UBE2K: variants seen among roughly 807,000 people sequenced by gnomAD.
UBE2K encodes the protein ubiquitin conjugating enzyme E2 K.
Under a neutral mutation model 30.0 loss-of-function variants are expected in UBE2K, and 6 were observed. The ratio of observed to expected loss-of-function variants is 0.20; its 90% CI spans 0.11 to 0.39. The LOEUF (loss-of-function observed/expected upper bound fraction) is 0.39. Among genes scored for constraint, UBE2K ranks in the 10% least tolerant of loss-of-function variants. The probability of loss-of-function intolerance (pLI) is 1.00; values close to 1 mark genes in which losing one functional copy is unlikely to be tolerated. For missense variants in UBE2K, 61 were observed against 241.6 expected (o/e 0.25, Z 4.96); for synonymous variants, 86 against 83.7 (o/e 1.03, Z -0.15).
In UBE2K at chr4:39,733,746, G is replaced by A. The variant is rs534293717; in HGVS notation, c.64-3674G>A. ...TCATTTTACAGTAATAAAATTGAGA[G>A]TTAGGTGTTAAGTGTTATACCTGAA... On this transcript the variant is annotated intron_variant, in intron 1 of 6. Coordinates refer to ENST00000261427, the MANE Select transcript of UBE2K (RefSeq NM_005339.5). 9.2e-5 allele frequency among the ~76,000 whole-genome samples: 14 copies of A among 152,354 alleles called. No individual in the cohort carries two copies. In the South Asian group the frequency reaches 1.0e-3, roughly 11 times the overall value.
chr4:39,771,686 G>A (rs1042942674), intron 4 of UBE2K, among the ~76,000 whole-genome samples: 6 of 152,110 alleles, frequency 3.9e-5, no homozygotes, highest in Non-Finnish European at 7.4e-5. Context: ...CGGCGACGGC[G>A]TCGGCTAGGA....
intron 1 of UBE2K, among the ~76,000 whole-genome samples, chr4:39,702,861 T>A (rs1718114161): frequency 6.6e-6 from 1 of 152,060 alleles, no homozygotes; most frequent in African/African-American, 2.4e-5. Context: ...GTGGGATGTT[T>A]AGCAACATCC....
intron 1 of UBE2K, among the ~76,000 whole-genome samples, chr4:39,717,472 G>A (rs909520264): frequency 2.2e-4 from 33 of 151,848 alleles, no homozygotes; most frequent in Admixed American, 7.2e-4. Context: ...CTTGTGATCC[G>A]CCCACCTCAG....
At chr4:39,749,965 G>T (rs922014342) in intron 3 of UBE2K, among the ~76,000 whole-genome samples, 1 of 152,178 alleles carries the variant, frequency 6.6e-6, no homozygotes, top group African/African-American at 2.4e-5. Context: ...CTGGGAGGCC[G>T]AGGTGGGTGG....
chr4:39,774,782 T>C, intron 4 of UBE2K, 52 bp from the exon 5 acceptor site: 7 of 1,168,924 alleles, frequency 6.0e-6, no homozygotes, highest in Non-Finnish European at 8.1e-6. Context: ...AATACTTTGC[T>C]TTTGCCTGCA....
At position 39,698,194 on chromosome 4, in the gene UBE2K, G is replaced by A; in HGVS notation, c.-134G>A. On this transcript the variant is annotated 5_prime_UTR_variant, in exon 1 of 7. Transcript: ENST00000261427. Reference sequence around the variant, plus strand: ...ACACTGAGGCGAGCGCGGCGGCCGGGGTGGTAGTGGCAGTGTTCGTGTGCT... The same window carrying A: ...ACACTGAGGCGAGCGCGGCGGCCGGAGTGGTAGTGGCAGTGTTCGTGTGCT... 1.2e-6 allele frequency: 1 copy of A among 863,704 alleles called. No individual in the cohort carries two copies. The highest frequency in any genetic ancestry group is 1.9e-6 in the Non-Finnish European group (1 of 523,752). The allele number at this position is 863,704 out of a possible 1,614,324, so 53.5% of individuals were successfully genotyped here.
chr4:39,700,988 A>C (rs1717977591), intron 1 of UBE2K, among the ~76,000 whole-genome samples: 1 of 147,434 alleles, frequency 6.8e-6, no homozygotes, highest in Non-Finnish European at 1.5e-5. Context: ...TTTCATGAGA[A>C]ATTGGTAAAA....
intron 1 of UBE2K, among the ~76,000 whole-genome samples, chr4:39,701,725 T>C (rs1578408576): frequency 6.6e-6 from 1 of 152,078 alleles, no homozygotes; most frequent in African/African-American, 2.4e-5. Flanking sequence ...TACCTATAAT[T>C]AACTTTAAGA....
intron 1 of UBE2K, among the ~76,000 whole-genome samples, chr4:39,714,859 A>G (rs375869439): frequency 4.7e-5 from 7 of 149,332 alleles, no homozygotes; most frequent in East Asian, 4.1e-4. Context: ...CAGAAGTTCT[A>G]TTTTTAAGAG....
chr4:39,773,728 T>C (rs893021055), intron 4 of UBE2K, among the ~76,000 whole-genome samples: 1 of 151,810 alleles, frequency 6.6e-6, no homozygotes, highest in Non-Finnish European at 1.5e-5. Context: ...GAGACCATCC[T>C]GGCTAACACA....
rs3839130 is a variant in UBE2K, at chr4:39,779,042, A to ACCCCCCCCCCCCCCCCCCCCTC, written c.*616_*617insCCCCCCCCCCCCTCCCCCCCCC. ...TGGGACAGTGTCTGATTCCCCCTTC[A>ACCCCCCCCCCCCCCCCCCCCTC]CCCCCCCCACCCCCGCCTTGCCACA... On this transcript the variant is annotated 3_prime_UTR_variant, in exon 7 of 7. Coordinates refer to ENST00000261427, the MANE Select transcript of UBE2K (RefSeq NM_005339.5). 7.8e-6 allele frequency: 1 copy of ACCCCCCCCCCCCCCCCCCCCTC among 128,310 alleles called. No homozygotes were observed. Among genetic ancestry groups the ACCCCCCCCCCCCCCCCCCCCTC allele is most frequent in the Non-Finnish European group, 1.6e-5 (1 of 62,678 alleles). The allele number at this position is 128,310 out of a possible 1,614,324, so 7.9% of individuals were successfully genotyped here. A position where few individuals can be genotyped will look rare whatever the true frequency, so the allele number is the denominator to read the frequency against.
At chr4:39,702,226 C>CTTTTT (rs1277061547) in intron 1 of UBE2K, among the ~76,000 whole-genome samples, 1 of 90,826 alleles carries the variant, frequency 1.1e-5, no homozygotes, top group Non-Finnish European at 2.5e-5. Flanking sequence ...CTTTTCTTTT[C>CTTTTT]TTTTCTTTTT....
At chr4:39,703,621 G>A (rs1718159660) in intron 1 of UBE2K, among the ~76,000 whole-genome samples, 1 of 152,000 alleles carries the variant, frequency 6.6e-6, no homozygotes, top group African/African-American at 2.4e-5. Context: ...GGCCTAGGCA[G>A]GTGGATCACG....
intron 1 of UBE2K, among the ~76,000 whole-genome samples, chr4:39,708,346 A>G (rs1395308957): frequency 6.6e-6 from 1 of 152,144 alleles, no homozygotes; most frequent in Non-Finnish European, 1.5e-5. Flanking sequence ...ACATAGTTTT[A>G]GAGTTAGATC....
chr4:39,705,039 G>GT lies in UBE2K; in HGVS notation c.63+6658dup, dbSNP rs548491541. ...GCATGTGCCAGCATGCATGGCTAAT[G>GT]TTTTTTTTTGTTTTTTTTTGTTTTT... On this transcript the variant is annotated intron_variant, in intron 1 of 6. Coordinates refer to ENST00000261427, the MANE Select transcript of UBE2K (RefSeq NM_005339.5). Among the ~76,000 whole-genome samples the GT allele has an allele frequency of 2.8e-4, 41 of 147,472 alleles. 2 individuals carry two copies. Among genetic ancestry groups the GT allele is most frequent in the Middle Eastern group, 3.6e-3 (1 of 276 alleles).
At chr4:39,760,743 A>G (rs1337584398) in intron 4 of UBE2K, among the ~76,000 whole-genome samples, 1 of 152,184 alleles carries the variant, frequency 6.6e-6, no homozygotes, top group Non-Finnish European at 1.5e-5. Flanking sequence ...TAAAAATACA[A>G]AAAATTAGCT....
At position 39,781,243 on chromosome 4, in the gene UBE2K, C is replaced by T. The variant is rs565270077; in HGVS notation, c.*2809C>T. ...ATCACGACTATGATTTACTTAAACA[C>T]GTAACACATTCAAGGATATATAAAT... On this transcript the variant is annotated 3_prime_UTR_variant, in exon 7 of 7. Transcript: ENST00000261427. 5 of 152,122 alleles carry T rather than the reference C, an allele frequency of 3.3e-5. No homozygotes were observed. Among genetic ancestry groups the T allele is most frequent in the African/African-American group, 9.6e-5 (4 of 41,532 alleles). 9.4% of individuals were successfully genotyped at this position (152,122 alleles called of 1,614,324 possible).
At chr4:39,711,044 T>G (rs1718639326) in intron 1 of UBE2K, among the ~76,000 whole-genome samples, 2 of 152,048 alleles carry the variant, frequency 1.3e-5, no homozygotes, top group Non-Finnish European at 2.9e-5. Flanking sequence ...ATTTTTGTTT[T>G]TACTGTTAAT....
intron 1 of UBE2K, among the ~76,000 whole-genome samples, chr4:39,725,831 G>T (rs542114736): frequency 6.6e-6 from 1 of 152,110 alleles, no homozygotes; most frequent in Admixed American, 6.6e-5. Flanking sequence ...TTAGTAGAGA[G>T]CAGGTTTTGC....
Sources: allele counts gnomAD v4.1 joint callset (sites outside exome capture counted in the v4.1 genomes callset), GRCh38; gene constraint gnomAD v4.1.1; transcripts MANE v1.5; gene names NCBI Gene and HGNC (gene_info 2026-07-23, HGNC 2026-07-21).